Variants in C2orf76 observed in about 807,000 individuals in gnomAD.
C2orf76 encodes the protein chromosome 2 open reading frame 76.
C2orf76 carries 23 observed loss-of-function variants against 16.9 expected under a neutral mutation model. That is an observed-to-expected ratio of 1.36 (90% CI 0.98 to 1.93). C2orf76 has a LOEUF of 1.93. Ranked by LOEUF, C2orf76 falls within the 30% of genes most tolerant of loss-of-function variation. C2orf76 has a pLI of 0.00. For synonymous variants in C2orf76, 48 were observed against 52.3 expected (o/e 0.92, Z 0.35); for missense variants, 152 against 152.6 (o/e 1.00, Z 0.02).
intron 5 of C2orf76, among the ~76,000 whole-genome samples, chr2:119,305,940 A>G (rs1678764926): frequency 1.0e-5 from 1 of 99,038 alleles, no homozygotes; most frequent in Non-Finnish European, 2.4e-5. Flanking sequence ...AAAAAACAAC[A>G]ACAAAAAAAA....
upstream of C2orf76, chr2:119,367,098 G>C (rs751262034): frequency 4.3e-6 from 7 of 1,612,872 alleles, no homozygotes; most frequent in East Asian, 1.3e-4. Flanking sequence ...AAGGTGCAGC[G>C]GGCGGGAGGC....
chr2:119,344,293 T>G (rs1352194714), intron 1 of C2orf76, among the ~76,000 whole-genome samples: 1 of 152,190 alleles, frequency 6.6e-6, no homozygotes, highest in South Asian at 2.1e-4. Flanking sequence ...AAGACTAACC[T>G]TACAGATAAT....
chr2:119,298,146 A>G (rs1254924939), downstream of C2orf76, among the ~76,000 whole-genome samples: 1 of 152,128 alleles, frequency 6.6e-6, no homozygotes, highest in African/African-American at 2.4e-5. Context: ...CATTCTCCTT[A>G]TGAAATTATG....
At chr2:119,327,614 CCTCT>C (rs367953756) in intron 2 of C2orf76, among the ~76,000 whole-genome samples, 1 of 150,116 alleles carries the variant, frequency 6.7e-6, no homozygotes, top group Non-Finnish European at 1.5e-5. Flanking sequence ...ATATCTTCTC[CCTCT>C]CTCTCTCTCT....
chr2:119,360,477 C>CAAAAAAAA (rs770401400), intron 1 of C2orf76, among the ~76,000 whole-genome samples: 1 of 66,916 alleles, frequency 1.5e-5, no homozygotes, highest in Admixed American at 1.8e-4. Flanking sequence ...AACTCTGTCT[C>CAAAAAAAA]AAAAAAAAAA....
chr2:119,358,187 A>G (rs1680629787), intron 1 of C2orf76, among the ~76,000 whole-genome samples: 1 of 152,236 alleles, frequency 6.6e-6, no homozygotes, highest in Non-Finnish European at 1.5e-5. Flanking sequence ...AAAAGCCAAG[A>G]TAGGTTGAAT....
chr2:119,353,561 T>C (rs1332949005), intron 1 of C2orf76, among the ~76,000 whole-genome samples: 2 of 149,096 alleles, frequency 1.3e-5, no homozygotes, highest in Non-Finnish European at 3.0e-5. Context: ...ATTTTCTTTT[T>C]TTTTTTTTTT....
intron 1 of C2orf76, among the ~76,000 whole-genome samples, chr2:119,364,807 A>C (rs1680871370): frequency 3.3e-5 from 5 of 152,192 alleles, no homozygotes. Context: ...GGCCAGGCGC[A>C]GTGGCTCACA....
At chr2:119,327,218 T>C (rs1053765394) in intron 2 of C2orf76, among the ~76,000 whole-genome samples, 2 of 152,188 alleles carry the variant, frequency 1.3e-5, no homozygotes, top group Admixed American at 6.5e-5. Flanking sequence ...TAGAGGAAGT[T>C]CCTTTTTATT....
chr2:119,299,972 C>T (rs904587211), downstream of C2orf76, among the ~76,000 whole-genome samples: 19 of 152,180 alleles, frequency 1.2e-4, no homozygotes, highest in Non-Finnish European at 1.6e-4. Flanking sequence ...ACACTATCCC[C>T]GTCCAGGCAT....
chr2:119,319,796 C>G (rs896778487), intron 3 of C2orf76, among the ~76,000 whole-genome samples: 1 of 152,164 alleles, frequency 6.6e-6, no homozygotes, highest in Non-Finnish European at 1.5e-5. Context: ...ACTCCACACT[C>G]TTTCCACTCC....
chr2:119,352,965 T>C (rs1416880859), intron 1 of C2orf76, among the ~76,000 whole-genome samples: 1 of 152,156 alleles, frequency 6.6e-6, no homozygotes, highest in Non-Finnish European at 1.5e-5. Flanking sequence ...AAAAAGAATA[T>C]ATGAAATACA....
chr2:119,328,337 T>C (rs1679573873), intron 2 of C2orf76, among the ~76,000 whole-genome samples: 1 of 152,214 alleles, frequency 6.6e-6, no homozygotes. Context: ...TAGTGAGCTT[T>C]GATAGTTTGG....
chr2:119,328,930 C>T (rs902962766), intron 2 of C2orf76, among the ~76,000 whole-genome samples: 3 of 152,088 alleles, frequency 2.0e-5, no homozygotes, highest in Non-Finnish European at 4.4e-5. Context: ...AATCTAATTC[C>T]ATTATGGCCA....
chr2:119,293,209 C>A, the C2orf76 span, among the ~76,000 whole-genome samples: 1 of 152,150 alleles, frequency 6.6e-6, no homozygotes, highest in African/African-American at 2.4e-5. Flanking sequence ...AAAAGTAAAA[C>A]AGAGATAGAC....
At chr2:119,281,474 C>T in the C2orf76 span, among the ~76,000 whole-genome samples, 1 of 152,090 alleles carries the variant, frequency 6.6e-6, no homozygotes, top group Non-Finnish European at 1.5e-5. Context: ...TGCCACTGCA[C>T]TCCAGCCTGG....
downstream of C2orf76, among the ~76,000 whole-genome samples, chr2:119,299,600 A>G (rs1013411314): frequency 6.6e-6 from 1 of 152,134 alleles, no homozygotes; most frequent in Non-Finnish European, 1.5e-5. Flanking sequence ...GCTCTAGGGA[A>G]CAATCCTTCT....
At chr2:119,282,973 G>A in the C2orf76 span, among the ~76,000 whole-genome samples, 3 of 152,288 alleles carry the variant, frequency 2.0e-5, no homozygotes, top group East Asian at 1.9e-4. Context: ...CCTGAAAGAC[G>A]GATGTCCACT....
intron 1 of C2orf76, among the ~76,000 whole-genome samples, chr2:119,363,285 G>A (rs1009354487): frequency 2.1e-4 from 32 of 151,950 alleles, no homozygotes; most frequent in Non-Finnish European, 1.0e-4. Context: ...TTAGCCGGGC[G>A]TGGTGGCGGG....
Sources: allele counts gnomAD v4.1 joint callset (sites outside exome capture counted in the v4.1 genomes callset), GRCh38; gene constraint gnomAD v4.1.1; transcripts MANE v1.5; gene names NCBI Gene and HGNC (gene_info 2026-07-23, HGNC 2026-07-21).